The following WNK2 variants were observed in gnomAD, a reference collection of about 807,000 sequenced individuals.
The protein encoded by WNK2 is WNK lysine deficient protein kinase 2.
In WNK2, 67 loss-of-function variants were observed where a neutral mutation model predicts 192.1. The ratio of observed to expected loss-of-function variants is 0.35; its 90% CI spans 0.29 to 0.43. WNK2 has a LOEUF of 0.43. WNK2 is among the 20% of genes least tolerant of loss of function. The pLI, the probability that WNK2 is intolerant of heterozygous loss-of-function variation, is 1.00. For missense variants in WNK2, 2,698 were observed against 3,089.7 expected, an observed-to-expected ratio of 0.87 and a Z score of 3.01; for synonymous variants, 1,439 against 1,393.9, an observed-to-expected ratio of 1.03 and a Z score of -0.72.
chr9:93,262,182 G>A (rs1844388633), intron 13 of WNK2, 75 bp downstream of exon 13: 1 of 1,481,134 alleles, frequency 6.8e-7, no homozygotes, highest in African/African-American at 1.4e-5. Flanking sequence ...GTGACCTGGG[G>A]TCTTAGTCCT....
intron 27 of WNK2, 88 bp from the exon 28 acceptor site, chr9:93,308,240 T>C (rs1234569204): frequency 1.3e-6 from 2 of 1,484,286 alleles, no homozygotes; most frequent in Non-Finnish European, 9.0e-7. Flanking sequence ...TTGTCTCAGC[T>C]GTCACGTAAG....
At chr9:93,254,690 G>A (rs965078113) in intron 9 of WNK2, among the ~76,000 whole-genome samples, 19 of 152,206 alleles carry the variant, frequency 1.2e-4, no homozygotes, top group African/African-American at 2.9e-4. Flanking sequence ...GAGGCTGAAC[G>A]TGGTGGCTCA....
rs1299356326 is a variant in WNK2, at chr9:93,230,882, C to T, written c.855-6C>T. 5.0e-6 allele frequency: 8 copies of T among 1,610,678 alleles called. No individual in the cohort carries two copies. Among genetic ancestry groups the T allele is most frequent in the African/African-American group, 1.3e-5 (1 of 74,850 alleles). Reference sequence around the variant, plus strand: ...CTTGGTGAGCTGTGCCCGTGAACCCCTGCAGATACCTGAAGCGGTTCAAGG... The same window carrying T: ...CTTGGTGAGCTGTGCCCGTGAACCCTTGCAGATACCTGAAGCGGTTCAAGG... On this transcript the variant is annotated splice_region_variant and splice_polypyrimidine_tract_variant and intron_variant, in intron 3 of 29. Transcript: ENST00000427277.
At chr9:93,303,168 C>A (rs539380019) in intron 26 of WNK2, among the ~76,000 whole-genome samples, 1 of 152,208 alleles carries the variant, frequency 6.6e-6, no homozygotes, top group Admixed American at 6.5e-5. Context: ...AGTCCACCCA[C>A]GTTGGCCTCC....
intron 25 of WNK2, among the ~76,000 whole-genome samples, chr9:93,299,849 C>T (rs1851293705): frequency 6.7e-6 from 1 of 150,324 alleles, no homozygotes; most frequent in Non-Finnish European, 1.5e-5. Flanking sequence ...CTGCCCGCCC[C>T]TCTCCGGGCT....
At chr9:93,230,696 G>A (rs1838629467) in intron 3 of WNK2, among the ~76,000 whole-genome samples, 192 bp from the exon 4 acceptor site, 1 of 152,246 alleles carries the variant, frequency 6.6e-6, no homozygotes, top group Non-Finnish European at 1.5e-5. Flanking sequence ...CCACCCAGCT[G>A]GCTGCTCAGG....
In WNK2 at chr9:93,271,095, C is replaced by T. The variant is rs78396277; in HGVS notation, c.4033+2349C>T. 3.3e-3 allele frequency among the ~76,000 whole-genome samples: 506 copies of T among 152,272 alleles called. 5 individuals carry two copies. Among genetic ancestry groups the T allele is most frequent in the African/African-American group, 0.012 (484 of 41,540 alleles). On this transcript the variant is annotated intron_variant, in intron 19 of 29. Coordinates refer to ENST00000427277, the MANE Select transcript of WNK2 (RefSeq NM_006648.4). ...GCATGCATGCATCTGACCCTAATAG[C>T]ATATAAGAAACTTGGGCAACTGAGC...
intron 2 of WNK2, among the ~76,000 whole-genome samples, chr9:93,191,230 G>T (rs1587747083): frequency 6.6e-6 from 1 of 152,150 alleles, no homozygotes; most frequent in Non-Finnish European, 1.5e-5. Flanking sequence ...CTTACTCTGA[G>T]GTTGCGTAAA....
In WNK2 at chr9:93,306,785, C is replaced by CT; in HGVS notation, c.6224dup (p.Lys2076GlufsTer12). ...TTCTTTTTCCCTTGCAGGGTCTGCCCTGAAGCGTCTCTGCCTAGGCAAAGA... is the reference window on the plus strand; with the variant it reads ...TTCTTTTTCCCTTGCAGGGTCTGCCCTTGAAGCGTCTCTGCCTAGGCAAAGA... On this transcript the variant is annotated frameshift_variant, in exon 27 of 30. Coordinates refer to ENST00000427277, the MANE Select transcript of WNK2 (RefSeq NM_006648.4). LOFTEE classifies it high-confidence loss of function. The CT allele has an allele frequency of 6.2e-7, 1 of 1,614,072 alleles. No individual in the cohort carries two copies. The highest frequency in any genetic ancestry group is 8.5e-7 in the Non-Finnish European group (1 of 1,179,892).
chr9:93,283,532 C>T (rs1211185003), intron 19 of WNK2, among the ~76,000 whole-genome samples: 2 of 152,106 alleles, frequency 1.3e-5, no homozygotes, highest in African/African-American at 2.4e-5. Context: ...TGGATTATGT[C>T]TTAGGGAACT....
At chr9:93,263,768 GGGTGGGGGCAT>G in intron 15 of WNK2, 34 bp downstream of exon 15, 1 of 902,352 alleles carries the variant, frequency 1.1e-6, no homozygotes, top group South Asian at 1.6e-5. Flanking sequence ...GGTGTGGTGG[GGGTGGGGGCAT>G]GGTGGGGGTG....
intron 2 of WNK2, among the ~76,000 whole-genome samples, chr9:93,222,916 A>G (rs944009305): frequency 6.6e-6 from 1 of 152,160 alleles, no homozygotes; most frequent in Non-Finnish European, 1.5e-5. Flanking sequence ...TCCTGACCTC[A>G]GGTGATCTGC....
At chr9:93,212,390 G>C (rs547331279) in intron 2 of WNK2, among the ~76,000 whole-genome samples, 3 of 152,320 alleles carry the variant, frequency 2.0e-5, no homozygotes, top group Admixed American at 2.0e-4. Context: ...CAGCATCCCA[G>C]AGAGGCTGGC....
At chr9:93,227,964 C>T (rs1838101840) in intron 2 of WNK2, among the ~76,000 whole-genome samples, 1 of 152,222 alleles carries the variant, frequency 6.6e-6, no homozygotes, top group Non-Finnish European at 1.5e-5. Flanking sequence ...TTTGCAAGAG[C>T]TCTTTCTCGA....
intron 2 of WNK2, among the ~76,000 whole-genome samples, chr9:93,214,026 T>G (rs1031469898): frequency 3.9e-5 from 6 of 152,224 alleles, no homozygotes; most frequent in African/African-American, 1.4e-4. Context: ...TAAATTGTTC[T>G]TTTGTACAGT....
chr9:93,235,292 G>GC (rs1839612696), intron 5 of WNK2, among the ~76,000 whole-genome samples: 1 of 152,224 alleles, frequency 6.6e-6, no homozygotes, highest in African/African-American at 2.4e-5. Context: ...CTTCACCATA[G>GC]CCCCCTGCCT....
chr9:93,297,972 C>T lies in WNK2; in HGVS notation c.5828C>T (p.Thr1943Ile). Residue 1943 changes from threonine (T) to isoleucine (I), a missense_variant, in exon 24 of 30, where the codon ACT (threonine) becomes ATT (isoleucine). Physicochemically the swap from Thr to Ile is moderately conservative, Grantham distance 89. Transcript: ENST00000427277. ...GGCTTCTTCCACACGGCACCCCCCA[C>T]TGGCCGCCGGAGAAAAACCAGCAAG... ...NVGFFHTAPP[T>I]GRRRKTSKSK... 5 of 1,570,262 alleles carry T rather than the reference C, an allele frequency of 3.2e-6. No individual in the cohort carries two copies. The highest frequency in any genetic ancestry group is 4.3e-6 in the Non-Finnish European group (5 of 1,158,976).
intron 5 of WNK2, among the ~76,000 whole-genome samples, chr9:93,237,275 A>G (rs1440546020): frequency 3.9e-5 from 6 of 151,958 alleles, no homozygotes; most frequent in Non-Finnish European, 8.8e-5. Context: ...ATGTCCCCTT[A>G]TCTTTTTTGG....
intron 5 of WNK2, among the ~76,000 whole-genome samples, chr9:93,236,716 C>T (rs1488519613): frequency 1.3e-5 from 2 of 152,244 alleles, no homozygotes; most frequent in Admixed American, 1.3e-4. Flanking sequence ...CCCGCACCCC[C>T]CCGCAACAAA....
Sources: gnomAD v4.1 joint callset for allele counts (sites outside exome capture counted in the v4.1 genomes callset) on GRCh38, gnomAD v4.1.1 for gene constraint, MANE v1.5 for transcripts, NCBI Gene and HGNC (gene_info 2026-07-23, HGNC 2026-07-21) for gene names.